Variants in CALCRL observed in about 807,000 individuals in gnomAD.
CALCRL encodes calcitonin gene-related peptide type 1 receptor.
A neutral mutation model predicts 60.4 loss-of-function variants in CALCRL; 27 were observed. The observed-to-expected ratio is 0.45, with a 90% CI of 0.33 to 0.62. The LOEUF is 0.62. CALCRL is among the 20% of genes least tolerant of loss of function. The pLI is 0.03. For missense variants in CALCRL, 424 were observed against 540.7 expected (o/e 0.78, Z 2.14); for synonymous variants, 190 against 182.6 (o/e 1.04, Z -0.33).
intron 1 of CALCRL, among the ~76,000 whole-genome samples, chr2:187,424,736 T>A (rs1276702920): frequency 6.6e-6 from 1 of 151,924 alleles, no homozygotes; most frequent in Non-Finnish European, 1.5e-5. Context: ...TAGGTATAAA[T>A]GAATTGTGGT....
intron 1 of CALCRL, among the ~76,000 whole-genome samples, chr2:187,408,881 C>A (rs1253491614): frequency 6.6e-6 from 1 of 151,900 alleles, no homozygotes; most frequent in Non-Finnish European, 1.5e-5. Flanking sequence ...TCTGTGCTTT[C>A]TATAGTCACA....
Position 187,346,133 on chromosome 2 carries a change from G to A in CALCRL, c.*51C>T, listed in dbSNP as rs1686258234. 1 of 1,190,208 alleles carries A rather than the reference G, an allele frequency of 8.4e-7. No individual in the cohort carries two copies. The highest frequency in any genetic ancestry group is 1.5e-5 in the African/African-American group (1 of 65,376). 73.7% of individuals were successfully genotyped at this position (1,190,208 alleles called of 1,614,324 possible). On this transcript the variant is annotated 3_prime_UTR_variant, in exon 15 of 15. Transcript: ENST00000392370. ...TCTGGCTACAGAGTCATGGGTCCAA[G>A]TCCTTGAGTTAGGAGAAGCACAAAA...
intron 8 of CALCRL, among the ~76,000 whole-genome samples, chr2:187,366,920 C>CCA (rs71017389): frequency 1.0e-4 from 10 of 97,596 alleles, no homozygotes; most frequent in African/African-American, 3.1e-4. Context: ...GAGTATAACC[C>CCA]CACACACACA....
intron 5 of CALCRL, among the ~76,000 whole-genome samples, chr2:187,382,934 C>A (rs1235537441): frequency 2.0e-5 from 3 of 151,872 alleles, no homozygotes; most frequent in Non-Finnish European, 4.4e-5. Flanking sequence ...ATTTAAATAT[C>A]TTTGTACCAT....
chr2:187,397,205 A>G (rs1444017807), intron 1 of CALCRL, among the ~76,000 whole-genome samples: 7 of 151,782 alleles, frequency 4.6e-5, no homozygotes, highest in Admixed American at 2.6e-4. Flanking sequence ...CGTAATTTCA[A>G]TAACACTGTA....
intron 1 of CALCRL, among the ~76,000 whole-genome samples, chr2:187,393,014 G>A (rs769212118): frequency 2.0e-4 from 31 of 152,046 alleles, no homozygotes; most frequent in Non-Finnish European, 1.3e-4. Context: ...GACATGTTAC[G>A]GATATAAGAT....
chr2:187,359,225 A>G lies in CALCRL; in HGVS notation c.829T>C (p.Tyr277His). Residue 277 changes from tyrosine to histidine, a missense_variant, in exon 11 of 15, where the codon TAT becomes CAT. Tyr to His is a moderately conservative substitution (Grantham distance 83, BLOSUM62 2). Around this residue, in one of 7 missense-constraint regions of CALCRL, gnomAD observed 222 missense variants for 265.6 expected, o/e 0.84. Transcript: ENST00000392370. ...ACIHAIARSL[Y>H]YNDNCWISSD... ...AGATTTTCTTACTTGTCATTGTAAT[A>G]TAAGCTTCTAGCAATGGCATGTATA... 1.3e-6 allele frequency: 2 copies of G among 1,591,548 alleles called. No individual in the cohort carries two copies. Among genetic ancestry groups the G allele is most frequent in the Non-Finnish European group, 1.7e-6 (2 of 1,167,588 alleles).
At chr2:187,367,388 TAAAC>T (rs1475718815) in intron 8 of CALCRL, among the ~76,000 whole-genome samples, 12 of 152,152 alleles carry the variant, frequency 7.9e-5, no homozygotes, top group Non-Finnish European at 1.2e-4. Context: ...CTGTGCAACT[TAAAC>T]AAATGCAGAC....
intron 4 of CALCRL, 54 bp from the exon 5 acceptor site, chr2:187,383,359 GTGTT>G: frequency 6.7e-7 from 1 of 1,485,620 alleles, no homozygotes; most frequent in Non-Finnish European, 9.1e-7. Context: ...TTATGAAAAT[GTGTT>G]TGTCAAAGGC....
chr2:187,425,343 A>G (rs1233768095), intron 1 of CALCRL, among the ~76,000 whole-genome samples: 1 of 151,982 alleles, frequency 6.6e-6, no homozygotes, highest in Non-Finnish European at 1.5e-5. Flanking sequence ...TATACATAGA[A>G]TTATACAGAC....
Position 187,345,487 on chromosome 2 carries a change from G to A in CALCRL, c.*697C>T, listed in dbSNP as rs696092. On this transcript the variant is annotated 3_prime_UTR_variant, in exon 15 of 15. Coordinates refer to ENST00000392370, the MANE Select transcript of CALCRL (RefSeq NM_005795.6). Reference sequence around the variant, plus strand: ...ATGTTTTCCTAATGATATAGAAGTAGGATTGCATATTATACATCCTGTTCA... The same window carrying A: ...ATGTTTTCCTAATGATATAGAAGTAAGATTGCATATTATACATCCTGTTCA... 0.6 allele frequency: 90,920 copies of A among 151,894 alleles called. 28,477 individuals carry two copies. The highest frequency in any genetic ancestry group is 0.86 in the East Asian group (4,460 of 5,160). The allele number at this position is 151,894 out of a possible 1,614,324, so 9.4% of individuals were successfully genotyped here.
At chr2:187,369,847 G>T (rs917731856) in intron 8 of CALCRL, among the ~76,000 whole-genome samples, 2 of 152,164 alleles carry the variant, frequency 1.3e-5, no homozygotes, top group Non-Finnish European at 2.9e-5. Flanking sequence ...GAGTATAGAG[G>T]AGAGAAGTAT....
intron 12 of CALCRL, among the ~76,000 whole-genome samples, chr2:187,353,784 A>G (rs978399814): frequency 6.6e-6 from 1 of 151,980 alleles, no homozygotes; most frequent in African/African-American, 2.4e-5. Flanking sequence ...TATCTGCTTA[A>G]TATCAAATAT....
At chr2:187,415,664 G>T in intron 1 of CALCRL, 1 of 615,630 alleles carries the variant, frequency 1.6e-6, no homozygotes, top group Admixed American at 2.1e-5. Context: ...GACATTCTGG[G>T]CTACACTGAG....
chr2:187,378,022 A>G (rs1310820340), intron 8 of CALCRL, among the ~76,000 whole-genome samples: 1 of 151,718 alleles, frequency 6.6e-6, no homozygotes, highest in East Asian at 1.9e-4. Flanking sequence ...AAGAGGAATA[A>G]GAGAAGAGGA....
chr2:187,383,443 A>C (rs1399629318), intron 4 of CALCRL, 138 bp from the exon 5 acceptor site: 1 of 599,250 alleles, frequency 1.7e-6, no homozygotes, highest in Non-Finnish European at 2.7e-6. Context: ...TAGGGAAAAA[A>C]CCCCAATTTG....
chr2:187,411,309 T>A (rs545854771), intron 1 of CALCRL, among the ~76,000 whole-genome samples: 4 of 152,310 alleles, frequency 2.6e-5, no homozygotes, highest in Admixed American at 2.0e-4. Context: ...TACTACTAAA[T>A]TGATTCTTGT....
At chr2:187,436,418 G>A (rs1690648118) in intron 1 of CALCRL, among the ~76,000 whole-genome samples, 1 of 152,176 alleles carries the variant, frequency 6.6e-6, no homozygotes, top group African/African-American at 2.4e-5. Flanking sequence ...CTGAGAGACT[G>A]AGACAGATTT....
At chr2:187,396,829 A>T (rs1049690266) in intron 1 of CALCRL, among the ~76,000 whole-genome samples, 2 of 151,724 alleles carry the variant, frequency 1.3e-5, no homozygotes, top group African/African-American at 4.8e-5. Context: ...GGTTAATGAT[A>T]CAGTTTTTCT....
Sources: allele counts gnomAD v4.1 joint callset (sites outside exome capture counted in the v4.1 genomes callset), GRCh38; gene constraint gnomAD v4.1.1; regional missense constraint gnomAD v4.1.1; transcripts MANE v1.5; gene names NCBI Gene and HGNC (gene_info 2026-07-23, HGNC 2026-07-21).